The following ODR4 variants were observed in gnomAD, a reference collection of about 807,000 sequenced individuals.
ODR4 encodes the protein protein odr-4 homolog.
In ODR4, 47 loss-of-function variants were observed where a neutral mutation model predicts 60.2. The ratio of observed to expected loss-of-function variants is 0.78; its 90% CI spans 0.62 to 1.00. The LOEUF (loss-of-function observed/expected upper bound fraction) is 1.00, where lower values mean the gene tolerates loss of function less well. ODR4 is among the 50% of genes least tolerant of loss of function. The pLI, the probability that ODR4 is intolerant of heterozygous loss-of-function variation, is 0.00. For synonymous variants in ODR4, 178 were observed against 175.5 expected (o/e 1.01, Z -0.11); for missense variants, 488 against 530.8 (o/e 0.92, Z 0.79).
At chr1:186,407,525 A>T (rs934812291) in intron 12 of ODR4, among the ~76,000 whole-genome samples, 1 of 152,076 alleles carries the variant, frequency 6.6e-6, no homozygotes, top group Non-Finnish European at 1.5e-5. Flanking sequence ...GGATCATTCA[A>T]ATTGACCTAA....
downstream of ODR4, among the ~76,000 whole-genome samples, chr1:186,422,194 C>T (rs904512723): frequency 1.3e-5 from 2 of 151,690 alleles, no homozygotes; most frequent in Admixed American, 6.6e-5. Context: ...ACTTGTGTAG[C>T]TTTAGTGATA....
chr1:186,416,979 T>C (rs1449166998), intron 12 of ODR4, among the ~76,000 whole-genome samples: 1 of 152,134 alleles, frequency 6.6e-6, no homozygotes, highest in East Asian at 1.9e-4. Context: ...TTACTTTTTT[T>C]TGAGACAGAG....
downstream of ODR4, among the ~76,000 whole-genome samples, chr1:186,424,725 G>A (rs567374880): frequency 3.9e-3 from 588 of 152,012 alleles, 6 homozygotes; most frequent in African/African-American, 0.014. Flanking sequence ...GCTATCAGCT[G>A]GGAATTCAGC....
chr1:186,391,263 CA>C (rs1413423789), intron 7 of ODR4, among the ~76,000 whole-genome samples: 3 of 151,306 alleles, frequency 2.0e-5, no homozygotes, highest in Non-Finnish European at 4.4e-5. Flanking sequence ...TTCCTTTTTC[CA>C]GTTCTTTTTT....
intron 6 of ODR4, 142 bp from the exon 7 acceptor site, chr1:186,390,569 T>G (rs1272973834): frequency 7.6e-6 from 6 of 793,694 alleles, no homozygotes; most frequent in Non-Finnish European, 1.0e-5. Flanking sequence ...CAACCTATAG[T>G]CTTTTGATCA....
intron 12 of ODR4, among the ~76,000 whole-genome samples, chr1:186,416,855 CAAAA>C (rs71104859): frequency 5.8e-5 from 5 of 85,716 alleles, no homozygotes; most frequent in Non-Finnish European, 6.5e-5. Flanking sequence ...GATTCTGTCT[CAAAA>C]AAAAAAAAAA....
chr1:186,395,279 A>G (rs1439645210), intron 9 of ODR4, among the ~76,000 whole-genome samples: 2 of 3,252 alleles, frequency 6.2e-4, no homozygotes, highest in Non-Finnish European at 9.2e-4. Flanking sequence ...TATTTTTAGT[A>G]GAGACGGGTT....
downstream of ODR4, among the ~76,000 whole-genome samples, chr1:186,421,829 T>C (rs1281557573): frequency 1.9e-4 from 25 of 134,686 alleles, no homozygotes; most frequent in Non-Finnish European, 3.2e-4. Context: ...ACCACTGCAC[T>C]CCAGCCTGGG....
At chr1:186,378,240 A>C (rs1345259856) in intron 1 of ODR4, among the ~76,000 whole-genome samples, 1 of 152,216 alleles carries the variant, frequency 6.6e-6, no homozygotes, top group Non-Finnish European at 1.5e-5. Context: ...CCACCCCAGC[A>C]TATCTCTGGT....
At chr1:186,429,961 AGTT>A in the ODR4 span, among the ~76,000 whole-genome samples, 1 of 152,140 alleles carries the variant, frequency 6.6e-6, no homozygotes, top group Non-Finnish European at 1.5e-5. Context: ...TTGATTTGTT[AGTT>A]GTTAAGAACA....
chr1:186,395,996 C>T (rs1660655466), intron 9 of ODR4, among the ~76,000 whole-genome samples: 1 of 152,138 alleles, frequency 6.6e-6, no homozygotes, highest in Admixed American at 6.5e-5. Context: ...GCTTGCCATA[C>T]CTTTAAAGCT....
chr1:186,375,993 A>AGTGTGTGTGTGTGTGTGTGT lies in ODR4; in HGVS notation c.-20+29_-20+48dup, dbSNP rs113247382. ...AAAACAGGTAAGTCAGCCTAAGTGT[A>AGTGTGTGTGTGTGTGTGTGT]GTGTGTGTGTGTGTGTGTGTGTGTG... On this transcript the variant is annotated intron_variant, in intron 1 of 13. Coordinates refer to ENST00000287859, the MANE Select transcript of ODR4 (RefSeq NM_017847.6). 1 of 158,326 alleles carries AGTGTGTGTGTGTGTGTGTGT rather than the reference A, an allele frequency of 6.3e-6. No homozygotes were observed. The highest frequency in any genetic ancestry group is 1.4e-5 in the Non-Finnish European group (1 of 72,000). The allele number at this position is 158,326 out of a possible 1,614,324, so 9.8% of individuals were successfully genotyped here.
the ODR4 span, among the ~76,000 whole-genome samples, chr1:186,432,887 G>A: frequency 3.2e-4 from 48 of 151,694 alleles, no homozygotes; most frequent in South Asian, 1.0e-2. Context: ...CTGGGTTCAA[G>A]CAATTCTCCT....
At chr1:186,399,421 C>G (rs1336539620) in intron 11 of ODR4, among the ~76,000 whole-genome samples, 2 of 152,090 alleles carry the variant, frequency 1.3e-5, no homozygotes, top group African/African-American at 4.8e-5. Context: ...GTTGCCCAGG[C>G]TAGTTTCAAA....
At position 186,420,506 on chromosome 1, in the gene ODR4, C is replaced by G. The variant is rs1661736325; in HGVS notation, c.*1430C>G. The G allele has an allele frequency of 1.3e-5, 2 of 152,264 alleles. No individual in the cohort carries two copies. The highest frequency in any genetic ancestry group is 2.1e-4 in the South Asian group (1 of 4,820). 9.4% of individuals were successfully genotyped at this position (152,264 alleles called of 1,614,324 possible). A position where few individuals can be genotyped will look rare whatever the true frequency, so the allele number is the denominator to read the frequency against. On this transcript the variant is annotated 3_prime_UTR_variant, in exon 14 of 14. Transcript: ENST00000287859. ...AGCTATAGAAAAAATAAACATTGAA[C>G]TCAGTTCTTCAAGGTTTCATCACCA... is the stretch of plus-strand genomic sequence containing the variant.
At chr1:186,424,260 A>G (rs916239665), downstream of ODR4, among the ~76,000 whole-genome samples, 3 of 152,206 alleles carry the variant, frequency 2.0e-5, no homozygotes, top group African/African-American at 4.8e-5. Flanking sequence ...ATGATAAAGC[A>G]AGTCTCAGAA....
At chr1:186,389,795 C>G (rs987429538) in intron 6 of ODR4, among the ~76,000 whole-genome samples, 171 bp downstream of exon 6, 1 of 151,956 alleles carries the variant, frequency 6.6e-6, no homozygotes, top group Admixed American at 6.6e-5. Context: ...ATAAGGAAAA[C>G]TTTTTTGTGC....
chr1:186,411,635 A>G (rs2102083918), intron 12 of ODR4, among the ~76,000 whole-genome samples: 1 of 152,066 alleles, frequency 6.6e-6, no homozygotes, highest in Non-Finnish European at 1.5e-5. Context: ...TGAACCAGTA[A>G]ATATGAAATA....
chr1:186,425,489 T>C (rs1661867027), downstream of ODR4, among the ~76,000 whole-genome samples: 1 of 152,166 alleles, frequency 6.6e-6, no homozygotes, highest in African/African-American at 2.4e-5. Context: ...CTCTTCCCTG[T>C]AAGATCTTGA....
Sources: gnomAD v4.1 joint callset for allele counts (sites outside exome capture counted in the v4.1 genomes callset) on GRCh38, gnomAD v4.1.1 for gene constraint, MANE v1.5 for transcripts, NCBI Gene and HGNC (gene_info 2026-07-23, HGNC 2026-07-21) for gene names.